The following MALRD1 variants were observed in gnomAD, a reference collection of about 807,000 sequenced individuals.
MALRD1 encodes the protein MAM and LDL-receptor class A domain-containing protein 1.
MALRD1 carries 247 observed loss-of-function variants against 242.1 expected under a neutral mutation model. That is an observed-to-expected ratio of 1.02 (90% CI 0.92 to 1.13). The LOEUF is 1.13. Among genes scored for constraint, MALRD1 ranks in the 50% most tolerant of loss-of-function variants. The pLI is 0.00. For synonymous variants in MALRD1, 995 were observed against 866.6 expected (o/e 1.15, Z -2.60); for missense variants, 2,989 against 2,533.1 (o/e 1.18, Z -3.86).
At chr10:19,217,109 C>T (rs1008444729) in intron 18 of MALRD1, among the ~76,000 whole-genome samples, 2 of 152,154 alleles carry the variant, frequency 1.3e-5, no homozygotes, top group Non-Finnish European at 1.5e-5. Context: ...TCTGGCCTTG[C>T]TGCTCTCATT....
intron 18 of MALRD1, among the ~76,000 whole-genome samples, chr10:19,237,639 TATAAATTA>T (rs1564490609): frequency 6.2e-5 from 4 of 64,822 alleles, no homozygotes; most frequent in African/African-American, 2.5e-4. Flanking sequence ...TATAATTATA[TATAAATTA>T]TTATAATTAT....
intron 32 of MALRD1, among the ~76,000 whole-genome samples, chr10:19,551,160 G>A (rs189864435): frequency 3.3e-5 from 5 of 152,096 alleles, no homozygotes; most frequent in Admixed American, 6.5e-5. Context: ...TAATAAGGTT[G>A]TTTTTGTTCC....
chr10:19,066,707 C>G lies in MALRD1; in HGVS notation c.200-12C>G. On this transcript the variant is annotated splice_polypyrimidine_tract_variant and intron_variant, in intron 1 of 39. Coordinates refer to ENST00000454679, the MANE Select transcript of MALRD1 (RefSeq NM_001142308.3). ...ACAGTTGTGAAAACCAACTTTTCTT[C>G]TTTCTCATTAGGTTTGAATTATGAA... 8.1e-7 allele frequency: 1 copy of G among 1,233,532 alleles called. No homozygotes were observed. The highest frequency in any genetic ancestry group is 1.0e-6 in the Non-Finnish European group (1 of 987,898). The allele number at this position is 1,233,532 out of a possible 1,614,324, so 76.4% of individuals were successfully genotyped here.
chr10:19,487,288 A>C (rs1474834507), intron 29 of MALRD1, among the ~76,000 whole-genome samples: 1 of 152,078 alleles, frequency 6.6e-6, no homozygotes, highest in Non-Finnish European at 1.5e-5. Context: ...CATGCAAAAC[A>C]GTCTTTCATT....
At chr10:19,702,818 C>A (rs972932638) in intron 38 of MALRD1, among the ~76,000 whole-genome samples, 4 of 152,186 alleles carry the variant, frequency 2.6e-5, no homozygotes, top group Admixed American at 6.5e-5. Flanking sequence ...AGAAAACCAT[C>A]ACCCTCTCGA....
intron 1 of MALRD1, among the ~76,000 whole-genome samples, chr10:19,063,060 A>G (rs987315686): frequency 6.6e-6 from 1 of 151,898 alleles, no homozygotes; most frequent in Non-Finnish European, 1.5e-5. Flanking sequence ...TGGGAGGATC[A>G]CTTGAGCCTG....
At chr10:19,656,596 G>A (rs1432525362) in intron 36 of MALRD1, among the ~76,000 whole-genome samples, 7 of 151,570 alleles carry the variant, frequency 4.6e-5, no homozygotes, top group Admixed American at 4.6e-4. Flanking sequence ...TTTTCTGTCT[G>A]ACTCAAATTA....
At chr10:19,701,180 G>T (rs1833611525) in intron 38 of MALRD1, among the ~76,000 whole-genome samples, 1 of 151,988 alleles carries the variant, frequency 6.6e-6, no homozygotes, top group African/African-American at 2.4e-5. Flanking sequence ...ATTAAAAAGA[G>T]AGAAAGAGAG....
chr10:19,394,145 C>T (rs1846470430), intron 28 of MALRD1, among the ~76,000 whole-genome samples: 1 of 152,028 alleles, frequency 6.6e-6, no homozygotes, highest in African/African-American at 2.4e-5. Context: ...TTCAGGAGAG[C>T]CCTCCTGATA....
chr10:19,617,715 T>TA (rs1379454720), intron 36 of MALRD1, among the ~76,000 whole-genome samples: 2 of 151,970 alleles, frequency 1.3e-5, no homozygotes, highest in African/African-American at 4.8e-5. Flanking sequence ...CAAGCACACA[T>TA]ACACACACAA....
intron 33 of MALRD1, among the ~76,000 whole-genome samples, chr10:19,569,661 GTAT>G (rs1216340914): frequency 7.5e-5 from 11 of 146,320 alleles, no homozygotes; most frequent in African/African-American, 2.0e-4. Flanking sequence ...ATTATAAAAT[GTAT>G]TATTATATAT....
chr10:19,257,812 G>C (rs1215337154), intron 19 of MALRD1, 41 bp downstream of exon 19: 3 of 1,294,902 alleles, frequency 2.3e-6, no homozygotes, highest in Non-Finnish European at 3.1e-6. Context: ...TTCTAAATCT[G>C]TTTACTTGGA....
chr10:19,501,453 C>G (rs988366734), intron 31 of MALRD1, among the ~76,000 whole-genome samples: 1 of 152,128 alleles, frequency 6.6e-6, no homozygotes, highest in South Asian at 2.1e-4. Flanking sequence ...TATGCAGTCA[C>G]TAAAAAGAGT....
intron 38 of MALRD1, among the ~76,000 whole-genome samples, chr10:19,708,140 T>C (rs1833946842): frequency 8.3e-6 from 1 of 120,114 alleles, no homozygotes. Flanking sequence ...ATCTGAAAAC[T>C]TAAGAGGAAA....
At chr10:19,116,043 T>A (rs1334728997) in intron 5 of MALRD1, among the ~76,000 whole-genome samples, 1 of 152,188 alleles carries the variant, frequency 6.6e-6, no homozygotes, top group Non-Finnish European at 1.5e-5. Flanking sequence ...ACAATACCGT[T>A]CTAACCTCTG....
intron 5 of MALRD1, among the ~76,000 whole-genome samples, chr10:19,109,339 C>T (rs1390988026): frequency 6.6e-6 from 1 of 152,162 alleles, no homozygotes; most frequent in African/African-American, 2.4e-5. Flanking sequence ...AGGGCTGCTC[C>T]ACTACCGGGT....
chr10:19,664,067 A>T (rs928016152), intron 36 of MALRD1, among the ~76,000 whole-genome samples: 5 of 152,122 alleles, frequency 3.3e-5, no homozygotes, highest in African/African-American at 1.2e-4. Context: ...AAGTCCCTGA[A>T]CAATTTGCCT....
intron 38 of MALRD1, among the ~76,000 whole-genome samples, chr10:19,701,157 TA>T (rs1414150331): frequency 5.2e-4 from 79 of 151,828 alleles, no homozygotes; most frequent in African/African-American, 1.8e-3. Context: ...TCTCTAAAAA[TA>T]ACATAAAATA....
At chr10:19,447,092 A>ACG (rs1835037373) in intron 28 of MALRD1, among the ~76,000 whole-genome samples, 2 of 145,984 alleles carry the variant, frequency 1.4e-5, no homozygotes, top group African/African-American at 4.9e-5. Flanking sequence ...ACACACACAC[A>ACG]CACACACACA....
Sources: allele counts gnomAD v4.1 joint callset (sites outside exome capture counted in the v4.1 genomes callset), GRCh38; gene constraint gnomAD v4.1.1; transcripts MANE v1.5; gene names NCBI Gene and HGNC (gene_info 2026-07-23, HGNC 2026-07-21).